LHFPL2: variants seen among roughly 807,000 people sequenced by gnomAD.
LHFPL2 encodes the protein LHFPL tetraspan subfamily member 2 protein.
Under a neutral mutation model 17.5 loss-of-function variants are expected in LHFPL2, and 7 were observed. The ratio of observed to expected loss-of-function variants is 0.40; its 90% CI spans 0.23 to 0.75. The LOEUF (loss-of-function observed/expected upper bound fraction) is 0.75, where lower values mean the gene tolerates loss of function less well. Among genes scored for constraint, LHFPL2 ranks in the 30% least tolerant of loss-of-function variants. The probability of loss-of-function intolerance (pLI) is 0.37; values close to 1 mark genes in which losing one functional copy is unlikely to be tolerated. For missense variants in LHFPL2, 241 were observed against 294.8 expected (o/e 0.82, Z 1.34); for synonymous variants, 134 against 116.2 (o/e 1.15, Z -0.99).
intron 2 of LHFPL2, among the ~76,000 whole-genome samples, chr5:78,591,636 C>T (rs1043725556): frequency 4.6e-5 from 7 of 152,248 alleles, no homozygotes; most frequent in South Asian, 4.1e-4. Flanking sequence ...GACATTGTCG[C>T]GTCTACCCTC....
chr5:78,498,985 AT>A (rs1754692597), intron 4 of LHFPL2, among the ~76,000 whole-genome samples: 2 of 152,088 alleles, frequency 1.3e-5, no homozygotes. Context: ...CTCAGTTTCT[AT>A]GTCTCCAGCC....
chr5:78,535,530 AG>A (rs1755921945), intron 3 of LHFPL2, among the ~76,000 whole-genome samples: 1 of 152,198 alleles, frequency 6.6e-6, no homozygotes, highest in South Asian at 2.1e-4. Context: ...CAGAGCAGCC[AG>A]GGGACACTAA....
At chr5:78,534,306 T>G (rs984993237) in intron 3 of LHFPL2, among the ~76,000 whole-genome samples, 4 of 152,060 alleles carry the variant, frequency 2.6e-5, no homozygotes, top group African/African-American at 7.2e-5. Flanking sequence ...CTCCTGGGAA[T>G]CACCATGACG....
At chr5:78,546,604 C>G (rs1040097343) in intron 3 of LHFPL2, among the ~76,000 whole-genome samples, 2 of 152,220 alleles carry the variant, frequency 1.3e-5, no homozygotes, top group South Asian at 4.1e-4. Flanking sequence ...AACCTCGACT[C>G]CAGGACTTGC....
intron 4 of LHFPL2, among the ~76,000 whole-genome samples, chr5:78,500,994 C>T (rs1177458314): frequency 6.6e-6 from 1 of 152,150 alleles, no homozygotes; most frequent in Non-Finnish European, 1.5e-5. Context: ...TGCCTGTCAG[C>T]GAACATACAT....
intron 1 of LHFPL2, chr5:78,644,786 G>A (rs1254371804): frequency 8.6e-6 from 2 of 231,790 alleles, no homozygotes; most frequent in South Asian, 7.2e-5. Context: ...CCCAACAAGT[G>A]TGGACAAAGA....
chr5:78,503,854 T>C (rs1391512472), intron 4 of LHFPL2, among the ~76,000 whole-genome samples: 1 of 152,166 alleles, frequency 6.6e-6, no homozygotes, highest in Non-Finnish European at 1.5e-5. Flanking sequence ...CTTTTGCTTC[T>C]CTATGGTACA....
At chr5:78,625,770 G>A (rs1745011717) in intron 2 of LHFPL2, 1 of 152,174 alleles carries the variant, frequency 6.6e-6, no homozygotes, top group Non-Finnish European at 1.5e-5. Flanking sequence ...GGCACCAAAG[G>A]TATGAAGGTG....
At chr5:78,533,499 AAAGGT>A (rs1446298916) in intron 3 of LHFPL2, among the ~76,000 whole-genome samples, 2 of 152,216 alleles carry the variant, frequency 1.3e-5, no homozygotes, top group East Asian at 3.8e-4. Context: ...ATGCTATGGA[AAAGGT>A]AAGTATAAGC....
Position 78,488,938 on chromosome 5 carries a change from CCTGTA to C in LHFPL2, c.641_645del (p.Val214GlyfsTer4). 6.2e-7 allele frequency: 1 copy of C among 1,614,138 alleles called. No individual in the cohort carries two copies. Among genetic ancestry groups the C allele is most frequent in the South Asian group, 1.1e-5 (1 of 91,082 alleles). ...AGATTTTTCCCCTCTTCAATTTCTT[CCTGTA>C]CTTTGTCACTAGAGGTTGCAATTTC... On this transcript the variant is annotated frameshift_variant, in exon 5 of 5. Transcript: ENST00000380345. LOFTEE classifies it high-confidence loss of function.
rs538906943 is a variant in LHFPL2 at position 78,648,129 on chromosome 5, T to G, written c.-350+370A>C. ...GGCGCGCTGGAACCCGGCGCCCAGC[T>G]GCGCCTGGGACCCACGCGCCGCCGT... On this transcript the variant is annotated intron_variant, in intron 1 of 4. Transcript: ENST00000380345. This position sits in a 1 kb window ranked among gnomAD's most constrained non-coding sequence, Gnocchi z 5.4. 5.6e-4 allele frequency among the ~76,000 whole-genome samples: 85 copies of G among 152,224 alleles called. 1 individual carries two copies. Among genetic ancestry groups the G allele is most frequent in the African/African-American group, 1.9e-3 (78 of 41,554 alleles).
At chr5:78,543,535 G>T (rs1251345927) in intron 3 of LHFPL2, among the ~76,000 whole-genome samples, 1 of 152,090 alleles carries the variant, frequency 6.6e-6, no homozygotes, top group Non-Finnish European at 1.5e-5. Context: ...GAGAGAGTGC[G>T]GCACAGTAGG....
At chr5:78,547,033 G>T (rs1045316393) in intron 3 of LHFPL2, among the ~76,000 whole-genome samples, 1 of 151,088 alleles carries the variant, frequency 6.6e-6, no homozygotes, top group Non-Finnish European at 1.5e-5. Context: ...AAAAAAAGTA[G>T]GGGGTTGAGG....
intron 4 of LHFPL2, among the ~76,000 whole-genome samples, chr5:78,492,641 C>T (rs1367233652): frequency 1.3e-5 from 2 of 152,196 alleles, no homozygotes; most frequent in Non-Finnish European, 2.9e-5. Flanking sequence ...CTTGTGGCTG[C>T]TCCTGGCTCA....
chr5:78,487,252 C>CAA lies in LHFPL2; in HGVS notation c.*1644_*1645insTT, dbSNP rs2112278102. The CAA allele has an allele frequency of 6.6e-6, 1 of 152,302 alleles. No individual in the cohort carries two copies. The highest frequency in any genetic ancestry group is 1.9e-4 in the East Asian group (1 of 5,186). The allele number at this position is 152,302 out of a possible 1,614,324, so 9.4% of individuals were successfully genotyped here. On this transcript the variant is annotated 3_prime_UTR_variant, in exon 5 of 5. Coordinates refer to ENST00000380345, the MANE Select transcript of LHFPL2 (RefSeq NM_005779.3). ...CAGAATGTAGTAAAACTGCGGTTGT[C>CAA]CCATTCCATCTCTGTATAATTATCT...
chr5:78,631,328 G>C (rs1745238565), intron 2 of LHFPL2, among the ~76,000 whole-genome samples: 1 of 152,192 alleles, frequency 6.6e-6, no homozygotes, highest in Non-Finnish European at 1.5e-5. Flanking sequence ...AAGCCAAGGG[G>C]TCTGGCTGCT....
rs200370043 is a variant in LHFPL2, at chr5:78,575,082, T to A, written c.-244-10211A>T. 1.4e-4 allele frequency among the ~76,000 whole-genome samples: 21 copies of A among 152,216 alleles called. No homozygotes were observed. In the East Asian group the frequency reaches 4.1e-3, roughly 29 times the overall value. ...CTTCCTAATCCTGTGTTCTTGCCAG[T>A]GGATTATAAAACAGGCTGCTCAGCT... On this transcript the variant is annotated intron_variant, in intron 2 of 4. Coordinates refer to ENST00000380345, the MANE Select transcript of LHFPL2 (RefSeq NM_005779.3).
At chr5:78,644,405 C>A in intron 1 of LHFPL2, 2 of 775,822 alleles carry the variant, frequency 2.6e-6, no homozygotes, top group Non-Finnish European at 2.1e-6. Context: ...TTTCCTTCAG[C>A]TTCACAGCCT....
At chr5:78,507,281 G>C (rs1561310842) in intron 4 of LHFPL2, among the ~76,000 whole-genome samples, 2 of 151,646 alleles carry the variant, frequency 1.3e-5, no homozygotes, top group Non-Finnish European at 2.9e-5. Flanking sequence ...AGTGAGCCAA[G>C]TTCCTGCCAT....
Sources: allele counts gnomAD v4.1 joint callset (sites outside exome capture counted in the v4.1 genomes callset), GRCh38; gene constraint gnomAD v4.1.1; non-coding constraint Gnocchi (gnomAD v3.1); transcripts MANE v1.5; gene names NCBI Gene and HGNC (gene_info 2026-07-23, HGNC 2026-07-21).